DAB1: variants seen among roughly 807,000 people sequenced by gnomAD.
The protein encoded by DAB1 is DAB adaptor protein 1, also known as disabled homolog 1.
In DAB1, 15 loss-of-function variants were observed where a neutral mutation model predicts 64.6. That is an observed-to-expected ratio of 0.23 (90% confidence interval 0.16 to 0.36). The LOEUF is 0.36. Among genes scored for constraint, DAB1 ranks in the 10% least tolerant of loss-of-function variants. The probability of loss-of-function intolerance (pLI) is 1.00; values close to 1 mark genes in which losing one functional copy is unlikely to be tolerated. For missense variants in DAB1, 596 were observed against 706.7 expected (o/e 0.84, Z 1.78); for synonymous variants, 235 against 251.9 (o/e 0.93, Z 0.64).
At chr1:58,461,136 T>C (rs1037889747) in intron 3 of DAB1, among the ~76,000 whole-genome samples, 1 of 152,254 alleles carries the variant, frequency 6.6e-6, no homozygotes, top group Non-Finnish European at 1.5e-5. Flanking sequence ...CTTCCATTAG[T>C]AAATTATTTT....
At chr1:57,600,640 C>A (rs1645566310) in intron 7 of DAB1, among the ~76,000 whole-genome samples, 1 of 152,070 alleles carries the variant, frequency 6.6e-6, no homozygotes, top group African/African-American at 2.4e-5. Flanking sequence ...AAATCCCAGT[C>A]ACTGAAAGCC....
intron 2 of DAB1, among the ~76,000 whole-genome samples, chr1:57,198,940 G>A (rs1664871849): frequency 1.3e-5 from 2 of 152,178 alleles, no homozygotes; most frequent in African/African-American, 2.4e-5. Context: ...CAAGGTCAAG[G>A]TCTTGCCTGT....
intron 2 of DAB1, among the ~76,000 whole-genome samples, chr1:57,189,244 A>G (rs184235424): frequency 1.3e-5 from 2 of 152,328 alleles, no homozygotes; most frequent in East Asian, 3.9e-4. Context: ...AATAGCTGAC[A>G]TTTGGAAAAT....
chr1:57,443,007 A>T (rs755729942), intron 7 of DAB1, among the ~76,000 whole-genome samples: 7 of 152,184 alleles, frequency 4.6e-5, no homozygotes, highest in Non-Finnish European at 8.8e-5. Context: ...CCCCACCAGC[A>T]CTTCTCTCAA....
intron 7 of DAB1, among the ~76,000 whole-genome samples, chr1:57,580,466 A>G (rs1476640552): frequency 6.6e-6 from 1 of 152,086 alleles, no homozygotes; most frequent in Non-Finnish European, 1.5e-5. Flanking sequence ...TATTAGGGAC[A>G]CATGAACCAA....
chr1:57,611,759 C>T (rs1332552520), intron 7 of DAB1, among the ~76,000 whole-genome samples: 1 of 152,188 alleles, frequency 6.6e-6, no homozygotes, highest in African/African-American at 2.4e-5. Context: ...CCCTAGCAGG[C>T]CTTGCTACAT....
intron 6 of DAB1, among the ~76,000 whole-genome samples, chr1:57,699,318 T>C (rs2101728021): frequency 6.6e-6 from 1 of 152,318 alleles, no homozygotes; most frequent in Admixed American, 6.5e-5. Context: ...ATTCTTCTTA[T>C]CCTTACTTTA....
chr1:57,449,630 G>A (rs1294152255), intron 7 of DAB1, among the ~76,000 whole-genome samples: 2 of 151,994 alleles, frequency 1.3e-5, no homozygotes, highest in Non-Finnish European at 2.9e-5. Context: ...CCTCCTGCCT[G>A]GGCCTCCCAA....
chr1:57,957,269 G>A (rs946140277), intron 5 of DAB1, among the ~76,000 whole-genome samples: 3 of 152,178 alleles, frequency 2.0e-5, no homozygotes, highest in South Asian at 2.1e-4. Context: ...CAGTATTTTT[G>A]TAAGTAATAC....
intron 7 of DAB1, among the ~76,000 whole-genome samples, chr1:57,536,157 C>A: frequency 6.6e-6 from 1 of 152,280 alleles, no homozygotes; most frequent in South Asian, 2.1e-4. Context: ...CTGCGATGTT[C>A]CAGCACTGCC....
At chr1:57,387,958 T>C (rs951029137) in intron 1 of DAB1, among the ~76,000 whole-genome samples, 7 of 150,028 alleles carry the variant, frequency 4.7e-5, no homozygotes. Flanking sequence ...ATCTGCTACA[T>C]GCCCCTCTGT....
chr1:57,656,278 C>A (rs1646317591), intron 6 of DAB1, among the ~76,000 whole-genome samples: 4 of 152,134 alleles, frequency 2.6e-5, no homozygotes, highest in Admixed American at 6.5e-5. Context: ...CCTGAACTGC[C>A]TAAGACACTA....
At chr1:58,407,133 C>G (rs924230291) in intron 3 of DAB1, among the ~76,000 whole-genome samples, 2 of 152,206 alleles carry the variant, frequency 1.3e-5, no homozygotes, top group African/African-American at 2.4e-5. Context: ...CCACCTCTTT[C>G]TTATCCCCTA....
intron 6 of DAB1, among the ~76,000 whole-genome samples, chr1:57,707,268 T>C (rs1646978997): frequency 6.6e-6 from 1 of 152,164 alleles, no homozygotes; most frequent in South Asian, 2.1e-4. Flanking sequence ...ACACAGTATG[T>C]GACCTTTAGG....
intron 5 of DAB1, among the ~76,000 whole-genome samples, chr1:58,042,279 T>C (rs1051784069): frequency 4.6e-5 from 7 of 152,258 alleles, no homozygotes; most frequent in Non-Finnish European, 1.0e-4. Flanking sequence ...CTTTTAATGG[T>C]ACCACATTTT....
intron 1 of DAB1, among the ~76,000 whole-genome samples, chr1:57,310,285 G>A (rs1674575490): frequency 6.6e-6 from 1 of 152,200 alleles, no homozygotes; most frequent in Non-Finnish European, 1.5e-5. Context: ...TTTTAAGAGG[G>A]TGAAGGTGTG....
chr1:58,167,737 C>A (rs1010243002), intron 4 of DAB1, among the ~76,000 whole-genome samples: 56 of 152,280 alleles, frequency 3.7e-4, no homozygotes, highest in African/African-American at 1.3e-3. Context: ...ACGAACCCAC[C>A]AGGAGGAATA....
rs1644864447 is a variant in DAB1 at position 57,547,107 on chromosome 1, G to C, written n.625+102485C>G. On this transcript the variant is annotated intron_variant and non_coding_transcript_variant, in intron 7 of 20. Coordinates refer to the DAB1 transcript ENST00000485760. ...TGAGACCAAGAGAAAAATAACGAAA[G>C]AAGGCAAGGGGGAGAGAGAGCAGTC... 6.6e-5 allele frequency among the ~76,000 whole-genome samples: 10 copies of C among 152,038 alleles called. No homozygotes were observed. The South Asian group carries it at 2.1e-3, about 32-fold the overall frequency.
intron 6 of DAB1, among the ~76,000 whole-genome samples, chr1:57,754,617 G>A (rs1052210009): frequency 2.0e-5 from 3 of 152,016 alleles, no homozygotes; most frequent in Non-Finnish European, 4.4e-5. Flanking sequence ...AAAAAAACGG[G>A]AGGCGGAGGT....
Sources: allele counts gnomAD v4.1 joint callset (sites outside exome capture counted in the v4.1 genomes callset), GRCh38; gene constraint gnomAD v4.1.1; transcripts MANE v1.5; gene names NCBI Gene and HGNC (gene_info 2026-07-23, HGNC 2026-07-21).